The following SRPK2 variants were observed in gnomAD, a reference collection of about 807,000 sequenced individuals.
SRPK2 encodes SFRS protein kinase 2.
Under a neutral mutation model 90.8 loss-of-function variants are expected in SRPK2, and 21 were observed. That is an observed-to-expected ratio of 0.23 (90% CI 0.16 to 0.33). The LOEUF (loss-of-function observed/expected upper bound fraction) is 0.33. Among genes scored for constraint, SRPK2 ranks in the 10% least tolerant of loss-of-function variants. SRPK2 has a pLI of 1.00. For synonymous variants in SRPK2, 288 were observed against 311.1 expected (o/e 0.93, Z 0.78); for missense variants, 620 against 869.0 (o/e 0.71, Z 3.60).
At chr7:105,291,112 G>T (rs1260891770) in intron 2 of SRPK2, among the ~76,000 whole-genome samples, 1 of 149,440 alleles carries the variant, frequency 6.7e-6, no homozygotes, top group African/African-American at 2.5e-5. Flanking sequence ...CACATCCAAA[G>T]CTACAGAGAA....
At chr7:105,227,950 C>A (rs1464540751) in intron 2 of SRPK2, among the ~76,000 whole-genome samples, 1 of 145,322 alleles carries the variant, frequency 6.9e-6, no homozygotes, top group Non-Finnish European at 1.5e-5. Context: ...AATAATGGAT[C>A]AGTAATCCAA....
chr7:105,260,587 T>C (rs1439101804), intron 2 of SRPK2, among the ~76,000 whole-genome samples: 2 of 152,210 alleles, frequency 1.3e-5, no homozygotes, highest in Non-Finnish European at 2.9e-5. Context: ...TGCACACCTA[T>C]GTTTATTGTG....
At chr7:105,166,968 C>A (rs78681769) in intron 6 of SRPK2, among the ~76,000 whole-genome samples, 1 of 151,996 alleles carries the variant, frequency 6.6e-6, no homozygotes, top group Admixed American at 6.5e-5. Flanking sequence ...TTATCTTAAC[C>A]AATGCTCCAT....
At chr7:105,352,506 T>C (rs747955880) in intron 2 of SRPK2, among the ~76,000 whole-genome samples, 6 of 152,212 alleles carry the variant, frequency 3.9e-5, no homozygotes, top group Non-Finnish European at 8.8e-5. Flanking sequence ...ACCACCCCAC[T>C]CAACTGCTTC....
chr7:105,179,364 C>T (rs1280932028), intron 3 of SRPK2, among the ~76,000 whole-genome samples: 4 of 152,292 alleles, frequency 2.6e-5, no homozygotes, highest in South Asian at 4.1e-4. Flanking sequence ...AGTACTCTAA[C>T]CCACTGTGAC....
In SRPK2 at chr7:105,211,333, A is replaced by G. The variant is rs560064041; in HGVS notation, c.72-7548T>C. On this transcript the variant is annotated intron_variant, in intron 2 of 15. Coordinates refer to ENST00000393651, the MANE Select transcript of SRPK2 (RefSeq NM_182692.3). ...ACAGTTCTCTTTTGGGAATAGGAGT[A>G]TCTTATTCCCTGAATGAGTCCATTC... 8.5e-5 allele frequency among the ~76,000 whole-genome samples: 13 copies of G among 152,200 alleles called. No homozygotes were observed. The South Asian group carries it at 1.9e-3, about 22-fold the overall frequency.
At chr7:105,286,274 C>T (rs757539100) in intron 2 of SRPK2, among the ~76,000 whole-genome samples, 12 of 152,158 alleles carry the variant, frequency 7.9e-5, no homozygotes, top group Non-Finnish European at 1.2e-4. Context: ...CAAATCCAGT[C>T]GTATTCAGAC....
At chr7:105,280,110 TGGGATG>T (rs1281093700) in intron 2 of SRPK2, among the ~76,000 whole-genome samples, 1 of 152,198 alleles carries the variant, frequency 6.6e-6, no homozygotes, top group Non-Finnish European at 1.5e-5. Context: ...TCACTGATAT[TGGGATG>T]TACAAAGTCA....
chr7:105,381,505 T>C (rs1291734604), intron 2 of SRPK2, among the ~76,000 whole-genome samples: 1 of 152,008 alleles, frequency 6.6e-6, no homozygotes, highest in Non-Finnish European at 1.5e-5. Context: ...ACAAAAAAAC[T>C]AAGCACTACT....
chr7:105,373,111 T>C (rs545183872), intron 2 of SRPK2, among the ~76,000 whole-genome samples: 19 of 152,190 alleles, frequency 1.2e-4, no homozygotes, highest in African/African-American at 2.9e-4. Context: ...GTGGGTCCTA[T>C]TGGACCTGTA....
At chr7:105,137,367 T>G (rs907873069) in intron 11 of SRPK2, among the ~76,000 whole-genome samples, 1 of 152,052 alleles carries the variant, frequency 6.6e-6, no homozygotes, top group Non-Finnish European at 1.5e-5. Context: ...GGAGATCATG[T>G]TGGTGAGGCG....
At chr7:105,306,447 C>T (rs1811151143) in intron 2 of SRPK2, 1 of 439,188 alleles carries the variant, frequency 2.3e-6, no homozygotes, top group Non-Finnish European at 4.5e-6. Context: ...TAAGAGACCA[C>T]ATCACTGTCA....
intron 2 of SRPK2, among the ~76,000 whole-genome samples, chr7:105,334,781 A>G (rs1190623247): frequency 3.4e-5 from 5 of 146,824 alleles, no homozygotes; most frequent in Non-Finnish European, 7.4e-5. Flanking sequence ...CAGAGGTTGC[A>G]GTGAGCCAAA....
chr7:105,167,985 A>G (rs1425637657), intron 5 of SRPK2, 23 bp downstream of exon 5: 2 of 1,540,288 alleles, frequency 1.3e-6, no homozygotes, highest in East Asian at 2.3e-5. Flanking sequence ...TTCTTATATC[A>G]TTCACATTTT....
chr7:105,258,941 AC>A (rs1184795015), intron 2 of SRPK2, among the ~76,000 whole-genome samples: 1 of 152,172 alleles, frequency 6.6e-6, no homozygotes, highest in African/African-American at 2.4e-5. Context: ...TACTGAATGG[AC>A]AAAAACTGGA....
chr7:105,389,295 C>T, upstream of SRPK2: 23 of 1,278,680 alleles, frequency 1.8e-5, no homozygotes, highest in Non-Finnish European at 2.3e-5. Context: ...TGGCCGGCGC[C>T]TCCGCGGGTC....
chr7:105,170,782 CGGGAGGGA>C (rs1186265835), intron 3 of SRPK2, among the ~76,000 whole-genome samples: 2 of 29,338 alleles, frequency 6.8e-5, no homozygotes, highest in African/African-American at 3.0e-4. Flanking sequence ...GAAGGAAGGA[CGGGAGGGA>C]GGGAGGGAGG....
chr7:105,177,215 T>G (rs1454601691), intron 3 of SRPK2, among the ~76,000 whole-genome samples: 2 of 152,204 alleles, frequency 1.3e-5, no homozygotes, highest in African/African-American at 4.8e-5. Context: ...TTTTGATGAC[T>G]TGCTTTTTTT....
At chr7:105,330,082 C>T (rs2131672373) in intron 2 of SRPK2, among the ~76,000 whole-genome samples, 1 of 151,872 alleles carries the variant, frequency 6.6e-6, no homozygotes, top group South Asian at 2.1e-4. Context: ...ATGGCTCACA[C>T]CTGTAATCCC....
Sources: gnomAD v4.1 joint callset for allele counts (sites outside exome capture counted in the v4.1 genomes callset) on GRCh38, gnomAD v4.1.1 for gene constraint, MANE v1.5 for transcripts, NCBI Gene and HGNC (gene_info 2026-07-23, HGNC 2026-07-21) for gene names.